SIRT5: variants seen among roughly 807,000 people sequenced by gnomAD.
SIRT5 encodes NAD-dependent protein deacylase sirtuin-5, mitochondrial.
A neutral mutation model predicts 40.0 loss-of-function variants in SIRT5; 26 were observed. The observed-to-expected ratio is 0.65, with a 90% confidence interval of 0.48 to 0.90. The LOEUF (loss-of-function observed/expected upper bound fraction) is 0.90, where lower values mean the gene tolerates loss of function less well. Ranked by LOEUF, SIRT5 falls within the 40% of genes least tolerant of loss-of-function variation. The pLI is 0.00. For synonymous variants in SIRT5, 146 were observed against 149.1 expected (o/e 0.98, Z 0.15); for missense variants, 401 against 402.4 (o/e 1.00, Z 0.03).
At chr6:13,598,459 A>G (rs1761897671) in intron 7 of SIRT5, among the ~76,000 whole-genome samples, 1 of 152,150 alleles carries the variant, frequency 6.6e-6, no homozygotes, top group South Asian at 2.1e-4. Context: ...CACAAATGTG[A>G]GCATAATGAA....
chr6:13,580,633 TTCTCTTTC>T (rs1353166275), intron 2 of SIRT5, among the ~76,000 whole-genome samples: 1 of 152,116 alleles, frequency 6.6e-6, no homozygotes, highest in African/African-American at 2.4e-5. Flanking sequence ...TCCTCTCTTT[TTCTCTTTC>T]TCTCTTTCTC....
chr6:13,590,612 GTGTA>G (rs992161999), intron 4 of SIRT5, among the ~76,000 whole-genome samples: 2 of 151,946 alleles, frequency 1.3e-5, no homozygotes, highest in Admixed American at 6.6e-5. Context: ...TGTATGTTGT[GTGTA>G]TGTATGTTGT....
At chr6:13,590,966 T>TAG (rs1053659260) in intron 4 of SIRT5, among the ~76,000 whole-genome samples, 3 of 152,088 alleles carry the variant, frequency 2.0e-5, no homozygotes, top group Admixed American at 1.3e-4. Context: ...TTTGTGTGTG[T>TAG]AGTTGTATGT....
intron 3 of SIRT5, among the ~76,000 whole-genome samples, chr6:13,585,987 T>C (rs1181257864): frequency 1.3e-5 from 2 of 152,230 alleles, no homozygotes; most frequent in South Asian, 2.1e-4. Context: ...ATTTCTCTGA[T>C]GGCCAGTGAT....
chr6:13,601,484 A>G (rs1762384290), intron 9 of SIRT5, among the ~76,000 whole-genome samples: 1 of 151,754 alleles, frequency 6.6e-6, no homozygotes, highest in South Asian at 2.1e-4. Flanking sequence ...GGTCTGTTTT[A>G]TTTCTTCATC....
rs142089418 is a variant in SIRT5 at position 13,577,141 on chromosome 6, T to G, written c.-194-2310T>G. ...ACTGCTTTGGCTATTTAGGGTCTTTTGCAATTCCATATGAACTTTAGGATT... is the reference window on the plus strand; with the variant it reads ...ACTGCTTTGGCTATTTAGGGTCTTTGGCAATTCCATATGAACTTTAGGATT... On this transcript the variant is annotated intron_variant, in intron 1 of 9. Coordinates refer to ENST00000606117, the MANE Select transcript of SIRT5 (RefSeq NM_012241.5). Among the ~76,000 whole-genome samples the G allele has an allele frequency of 8.2e-3, 1,254 of 152,344 alleles. 18 individuals carry two copies. Among genetic ancestry groups the G allele is most frequent in the African/African-American group, 0.028 (1,148 of 41,582 alleles).
chr6:13,596,698 G>A (rs974375023), intron 6 of SIRT5, among the ~76,000 whole-genome samples: 30 of 152,102 alleles, frequency 2.0e-4, no homozygotes, highest in African/African-American at 7.2e-4. Context: ...TATTGCCGAG[G>A]GTTGTCTTGA....
intron 2 of SIRT5, among the ~76,000 whole-genome samples, chr6:13,582,513 T>G (rs1370749573): frequency 6.6e-6 from 1 of 151,620 alleles, no homozygotes; most frequent in Non-Finnish European, 1.5e-5. Flanking sequence ...TCTAATAAAA[T>G]TAACCCTTTG....
chr6:13,599,964 A>G (rs1762144695), intron 8 of SIRT5, among the ~76,000 whole-genome samples: 1 of 152,222 alleles, frequency 6.6e-6, no homozygotes, highest in Non-Finnish European at 1.5e-5. Flanking sequence ...AATCAATATC[A>G]TCTTTCAATT....
At chr6:13,578,059 G>A (rs1375436332) in intron 1 of SIRT5, among the ~76,000 whole-genome samples, 1 of 152,108 alleles carries the variant, frequency 6.6e-6, no homozygotes, top group Non-Finnish European at 1.5e-5. Flanking sequence ...CTTTTGAGGT[G>A]ATCATACAGT....
intron 5 of SIRT5, among the ~76,000 whole-genome samples, chr6:13,592,955 C>T (rs536859908): frequency 3.5e-5 from 5 of 142,402 alleles, no homozygotes; most frequent in Non-Finnish European, 6.0e-5. Flanking sequence ...TCACTCTTGC[C>T]CAGGCTGGGG....
At position 13,577,500 on chromosome 6, in the gene SIRT5, C is replaced by T. The variant is rs189908524; in HGVS notation, c.-194-1951C>T. Among the ~76,000 whole-genome samples the T allele has an allele frequency of 1.6e-3, 247 of 151,804 alleles. 1 individual carries two copies. The highest frequency in any genetic ancestry group is 3.0e-3 in the Non-Finnish European group (207 of 67,884). ...TTTTTATATGTGATTTTGTATCCTG[C>T]AACTTCCCTGAATTTATTAGTTCTA... is the stretch of plus-strand genomic sequence containing the variant. On this transcript the variant is annotated intron_variant, in intron 1 of 9. Coordinates refer to ENST00000606117, the MANE Select transcript of SIRT5 (RefSeq NM_012241.5).
Position 13,591,686 on chromosome 6 carries a change from G to A in SIRT5, c.267G>A (p.Leu89=). 2 of 1,589,508 alleles carry A rather than the reference G, an allele frequency of 1.3e-6. No homozygotes were observed. The highest frequency in any genetic ancestry group is 1.7e-6 in the Non-Finnish European group (2 of 1,164,074). ...KWQAQDLATP[L]AFAHNPSRVW... Reference sequence around the variant, plus strand: ...ACTCCCAGGACCTGGCGACTCCCCTGGCCTTTGCCCACAACCCGTCCCGGG... The same window carrying A: ...ACTCCCAGGACCTGGCGACTCCCCTAGCCTTTGCCCACAACCCGTCCCGGG... The change falls in exon 5 of 10, where the codon CTG becomes CTA. Residue 89 remains leucine (L), a synonymous_variant. Transcript: ENST00000606117.
At chr6:13,575,051 A>G (rs1758415226) in intron 1 of SIRT5, among the ~76,000 whole-genome samples, 1 of 152,110 alleles carries the variant, frequency 6.6e-6, no homozygotes, top group South Asian at 2.1e-4. Context: ...GCGTGCGAGA[A>G]GGGAAGGCTC....
intron 5 of SIRT5, 69 bp downstream of exon 5, chr6:13,591,963 C>A: frequency 7.2e-7 from 1 of 1,381,210 alleles, no homozygotes; most frequent in Non-Finnish European, 1.0e-6. Flanking sequence ...TTCAGCATCA[C>A]CTCTGGTGCC....
At chr6:13,597,695 G>A (rs1477846994) in intron 7 of SIRT5, among the ~76,000 whole-genome samples, 3 of 151,970 alleles carry the variant, frequency 2.0e-5, no homozygotes, top group South Asian at 2.1e-4. Context: ...ATAGGCGCCC[G>A]CCACCACGCC....
chr6:13,591,253 G>T (rs1760865151), intron 4 of SIRT5, among the ~76,000 whole-genome samples: 1 of 152,184 alleles, frequency 6.6e-6, no homozygotes, highest in East Asian at 1.9e-4. Flanking sequence ...AGCTCAATGG[G>T]CATTTTGCAT....
intron 9 of SIRT5, among the ~76,000 whole-genome samples, chr6:13,611,236 TACACAC>T (rs70989875): frequency 0.02 from 1,863 of 92,850 alleles, 44 homozygotes; most frequent in African/African-American, 0.06. Context: ...TATATATATA[TACACAC>T]ACACATACAC....
intron 2 of SIRT5, among the ~76,000 whole-genome samples, chr6:13,582,405 G>A (rs1389180480): frequency 6.6e-6 from 1 of 152,072 alleles, no homozygotes; most frequent in East Asian, 1.9e-4. Context: ...TAAGGGTACA[G>A]TTCAGTCTAT....
Sources: gnomAD v4.1 joint callset for allele counts (sites outside exome capture counted in the v4.1 genomes callset) on GRCh38, gnomAD v4.1.1 for gene constraint, MANE v1.5 for transcripts, NCBI Gene and HGNC (gene_info 2026-07-23, HGNC 2026-07-21) for gene names.